KIF1B: variants seen among roughly 807,000 people sequenced by gnomAD.
The protein encoded by KIF1B is kinesin-like protein KIF1B.
A neutral mutation model predicts 241.9 loss-of-function variants in KIF1B; 76 were observed. That is an observed-to-expected ratio of 0.31 (90% confidence interval 0.26 to 0.38). KIF1B has a LOEUF of 0.38. Among genes scored for constraint, KIF1B ranks in the 10% least tolerant of loss-of-function variants. KIF1B has a pLI of 1.00. For missense variants in KIF1B, 1,622 were observed against 2,271.4 expected (o/e 0.71, Z 5.81); for synonymous variants, 750 against 796.7 (o/e 0.94, Z 0.99).
chr1:10,325,832 C>T lies in KIF1B; in HGVS notation c.2676-279C>T, dbSNP rs572924697. 1.2e-4 allele frequency among the ~76,000 whole-genome samples: 18 copies of T among 152,266 alleles called. No homozygotes were observed. In the South Asian group the frequency reaches 1.9e-3, roughly 16 times the overall value. On this transcript the variant is annotated intron_variant, in intron 26 of 48. Coordinates refer to ENST00000676179, the MANE Select transcript of KIF1B (RefSeq NM_001365951.3). ...TTTTATGTGAACTGGAGAATGTAAA[C>T]GTGTTATAGCACAGTATTTACCTAG...
In KIF1B at chr1:10,375,008, C is replaced by T. The variant is rs2102363451; in HGVS notation, c.5251C>T (p.Gln1751Ter). 1 of 1,614,186 alleles carries T rather than the reference C, an allele frequency of 6.2e-7. No homozygotes were observed. Among genetic ancestry groups the T allele is most frequent in the Non-Finnish European group, 8.5e-7 (1 of 1,180,040 alleles). The change falls in exon 47 of 49, where the codon CAG becomes TAG. Residue 1751 changes from glutamine to a stop codon, truncating the protein, a stop_gained. Transcript: ENST00000676179. LOFTEE classifies it high-confidence loss of function. ...TGGAATCATTAACCTGTCCACAGCA[C>T]AGGTGGAGTACAGTGAGGACCAGCA... ...ERGIINLSTA[Q>*]VEYSEDQQAM...
chr1:10,294,068 C>T (rs1462425056), intron 17 of KIF1B, among the ~76,000 whole-genome samples: 1 of 152,164 alleles, frequency 6.6e-6, no homozygotes, highest in Non-Finnish European at 1.5e-5. Flanking sequence ...TTCTCTTTAA[C>T]CATCTTTTAT....
intron 38 of KIF1B, among the ~76,000 whole-genome samples, chr1:10,354,786 A>C (rs554532873): frequency 9.8e-5 from 15 of 152,366 alleles, no homozygotes; most frequent in African/African-American, 3.6e-4. Context: ...AAGGAGAACT[A>C]GCCATCAATC....
At chr1:10,246,360 C>T (rs1647211668) in intron 2 of KIF1B, among the ~76,000 whole-genome samples, 2 of 152,116 alleles carry the variant, frequency 1.3e-5, no homozygotes, top group African/African-American at 4.8e-5. Context: ...TACTTTTTGC[C>T]ATTTCTACTC....
At chr1:10,241,477 A>G (rs1647136208) in intron 2 of KIF1B, among the ~76,000 whole-genome samples, 1 of 152,190 alleles carries the variant, frequency 6.6e-6, no homozygotes, top group Non-Finnish European at 1.5e-5. Context: ...ACCTATCACT[A>G]AGTTGGAGGC....
chr1:10,348,567 A>G, intron 36 of KIF1B, 82 bp from the exon 37 acceptor site: 5 of 1,008,010 alleles, frequency 5.0e-6, no homozygotes, highest in Non-Finnish European at 7.8e-6. Flanking sequence ...CCCCCATGCC[A>G]TGCCATACAG....
At chr1:10,355,767 A>C (rs1035294341) in intron 38 of KIF1B, among the ~76,000 whole-genome samples, 5 of 152,196 alleles carry the variant, frequency 3.3e-5, no homozygotes, top group Admixed American at 2.6e-4. Flanking sequence ...TTATTGCTTT[A>C]TAAAACCTGA....
chr1:10,284,451 T>C (rs969124491), intron 15 of KIF1B, among the ~76,000 whole-genome samples: 3 of 151,964 alleles, frequency 2.0e-5, no homozygotes, highest in African/African-American at 4.8e-5. Flanking sequence ...TTTGGGAGGC[T>C]GAGGCAGGCA....
chr1:10,348,574 A>C, intron 36 of KIF1B, 75 bp from the exon 37 acceptor site: 3 of 1,071,760 alleles, frequency 2.8e-6, no homozygotes, highest in Non-Finnish European at 4.3e-6. Flanking sequence ...GCCATGCCAT[A>C]CAGGCCAGAA....
At chr1:10,246,155 ATGTCCTAAACATAACTAT>A (rs1261282255) in intron 2 of KIF1B, among the ~76,000 whole-genome samples, 1 of 152,186 alleles carries the variant, frequency 6.6e-6, no homozygotes, top group Non-Finnish European at 1.5e-5. Flanking sequence ...CAAACTCAAC[ATGTCCTAAACATAACTAT>A]TGTTTTTTCC....
intron 1 of KIF1B, among the ~76,000 whole-genome samples, chr1:10,229,519 C>T (rs1646950948): frequency 6.6e-6 from 1 of 152,000 alleles, no homozygotes; most frequent in Admixed American, 6.6e-5. Context: ...AGACATGCTC[C>T]AGAAAACAAG....
rs1302102738 is a variant in KIF1B at position 10,381,356 on chromosome 1, T to A, written c.*4769T>A. On this transcript the variant is annotated 3_prime_UTR_variant, in exon 49 of 49. Transcript: ENST00000676179. ...CTCCCCCGTGAAGGAGTTGAGCACA[T>A]TAGCAACAATGTACATTAATTTTGG... 1 of 224,374 alleles carries A rather than the reference T, an allele frequency of 4.5e-6. No homozygotes were observed. Among genetic ancestry groups the A allele is most frequent in the Non-Finnish European group, 8.9e-6 (1 of 112,314 alleles). 13.9% of individuals were successfully genotyped at this position (224,374 alleles called of 1,614,324 possible).
In KIF1B at chr1:10,337,406, G is replaced by A; in HGVS notation, c.3295G>A (p.Val1099Ile). The A allele has an allele frequency of 6.2e-7, 1 of 1,614,188 alleles. No individual in the cohort carries two copies. ...AAGCACTTTGCTGGATGGTAAGATG[G>A]TAATGGAAGGGTTTTCTGAAGAGAT... ...KSSTLLDGKMVMEGFSEEIGN... is the reference protein window; with the variant it reads ...KSSTLLDGKMIMEGFSEEIGN... The change falls in exon 31 of 49, where the codon GTA (valine) becomes ATA (isoleucine). Residue 1099 changes from valine to isoleucine, a missense_variant. This residue lies in a region of KIF1B where 803 missense variants were observed against 1,112.0 expected (regional missense o/e 0.72). Transcript: ENST00000676179. This position sits in a 1 kb window ranked among gnomAD's most constrained non-coding sequence, Gnocchi z 4.0.
intron 1 of KIF1B, among the ~76,000 whole-genome samples, chr1:10,223,582 C>CT (rs1436966175): frequency 7.4e-6 from 1 of 134,542 alleles, no homozygotes; most frequent in East Asian, 2.4e-4. Context: ...GAGTCTTACT[C>CT]TGTCAACAGG....
intron 22 of KIF1B, among the ~76,000 whole-genome samples, chr1:10,319,707 C>T (rs1651449607): frequency 6.6e-6 from 1 of 152,074 alleles, no homozygotes; most frequent in Non-Finnish European, 1.5e-5. Flanking sequence ...TGAATATATT[C>T]TAACGCTTAA....
Position 10,375,373 on chromosome 1 carries a change from G to C in KIF1B, c.5408G>C (p.Arg1803Pro). The stretch of plus-strand genomic sequence containing the variant: ...AACCCACTTCTAGCTGGCACAATAC[G>C]GTAAGAAGTTTTGTTGTTGTTGTTG... ...AFNPLLAGTIRSKLSRRCPSQ... is the reference protein window; with the variant it reads ...AFNPLLAGTIPSKLSRRCPSQ... Residue 1803 changes from arginine to proline, a missense_variant and splice_region_variant, in exon 48 of 49, where the codon CGG becomes CCG. Around this residue, in one of 7 missense-constraint regions of KIF1B, gnomAD observed 357 missense variants for 409.0 expected, o/e 0.87. Coordinates refer to ENST00000676179, the MANE Select transcript of KIF1B (RefSeq NM_001365951.3). 6.2e-7 allele frequency: 1 copy of C among 1,607,200 alleles called. No homozygotes were observed. Among genetic ancestry groups the C allele is most frequent in the Non-Finnish European group, 8.5e-7 (1 of 1,174,182 alleles).
chr1:10,352,779 C>A, intron 38 of KIF1B, 43 bp downstream of exon 38: 1 of 1,391,164 alleles, frequency 7.2e-7, no homozygotes, highest in Non-Finnish European at 1.0e-6. Context: ...CACTTGCAGG[C>A]GTTAATTGGT....
Position 10,270,347 on chromosome 1 carries a change from GT to G in KIF1B, c.721-1149del, listed in dbSNP as rs58523950. On this transcript the variant is annotated intron_variant, in intron 7 of 48. Coordinates refer to ENST00000676179, the MANE Select transcript of KIF1B (RefSeq NM_001365951.3). ...TAAATGGAATCATAGAGTATGTACT[GT>G]TTTTTGTCTGGAGTCTTTCACTTAG... Among the ~76,000 whole-genome samples the G allele has an allele frequency of 3.4e-3, 522 of 152,202 alleles. 3 individuals are homozygous for G. The highest frequency in any genetic ancestry group is 0.012 in the African/African-American group (498 of 41,506).
intron 45 of KIF1B, among the ~76,000 whole-genome samples, chr1:10,372,037 C>T (rs568635966): frequency 6.6e-6 from 1 of 152,306 alleles, no homozygotes; most frequent in East Asian, 1.9e-4. Context: ...ATCAATTATG[C>T]TCACCTGGTT....
Sources: allele counts gnomAD v4.1 joint callset (sites outside exome capture counted in the v4.1 genomes callset), GRCh38; gene constraint gnomAD v4.1.1; regional missense constraint gnomAD v4.1.1; non-coding constraint Gnocchi (gnomAD v3.1); transcripts MANE v1.5; gene names NCBI Gene and HGNC (gene_info 2026-07-23, HGNC 2026-07-21).